Variants in DCHS2 observed in about 807,000 individuals in gnomAD.
DCHS2 encodes the protein protocadherin-23.
A neutral mutation model predicts 182.4 loss-of-function variants in DCHS2; 142 were observed. The observed-to-expected ratio is 0.78, with a 90% CI of 0.68 to 0.89. The LOEUF is 0.89. DCHS2 is among the 40% of genes least tolerant of loss of function. DCHS2 has a pLI of 0.00. For synonymous variants in DCHS2, 1,740 were observed against 1,663.3 expected, an observed-to-expected ratio of 1.05 and a Z score of -1.12; for missense variants, 4,319 against 4,198.6, an observed-to-expected ratio of 1.03 and a Z score of -0.79.
At chr4:154,308,363 G>A (rs1273472167) in intron 10 of DCHS2, among the ~76,000 whole-genome samples, 1 of 152,126 alleles carries the variant, frequency 6.6e-6, no homozygotes, top group Non-Finnish European at 1.5e-5. Flanking sequence ...GTTTCTCTAT[G>A]ACATATTTTT....
intron 1 of DCHS2, among the ~76,000 whole-genome samples, chr4:154,473,661 T>C (rs1473788761): frequency 6.6e-6 from 1 of 151,876 alleles, no homozygotes; most frequent in African/African-American, 2.4e-5. Context: ...TAGCCAAGCG[T>C]GAGGGGATTC....
intron 1 of DCHS2, among the ~76,000 whole-genome samples, chr4:154,472,860 A>G (rs554402972): frequency 6.6e-6 from 1 of 152,286 alleles, no homozygotes; most frequent in Admixed American, 6.5e-5. Context: ...AAATCTCTCA[A>G]TTGACTTCAT....
chr4:154,304,097 C>G (rs1290768145), intron 12 of DCHS2, among the ~76,000 whole-genome samples: 1 of 150,984 alleles, frequency 6.6e-6, no homozygotes, highest in African/African-American at 2.4e-5. Context: ...GGACCTAGAT[C>G]TAGGATGCAG....
chr4:154,291,320 G>C (rs1207436430), intron 13 of DCHS2, among the ~76,000 whole-genome samples: 2 of 152,062 alleles, frequency 1.3e-5, no homozygotes, highest in Non-Finnish European at 2.9e-5. Context: ...TGAGAAAGGG[G>C]AATCCTTATA....
At chr4:154,241,849 A>C (rs1468293061) in intron 17 of DCHS2, among the ~76,000 whole-genome samples, 1 of 152,224 alleles carries the variant, frequency 6.6e-6, no homozygotes, top group Non-Finnish European at 1.5e-5. Flanking sequence ...ATATTTGTAG[A>C]TATCTCTATG....
At chr4:154,431,749 C>A (rs964942141) in intron 1 of DCHS2, among the ~76,000 whole-genome samples, 1 of 152,140 alleles carries the variant, frequency 6.6e-6, no homozygotes, top group African/African-American at 2.4e-5. Flanking sequence ...TTTTTGGTCA[C>A]CTGGCTCTAA....
At chr4:154,429,418 C>CT (rs1446031762) in intron 1 of DCHS2, among the ~76,000 whole-genome samples, 8 of 152,200 alleles carry the variant, frequency 5.3e-5, no homozygotes, top group African/African-American at 1.9e-4. Flanking sequence ...CAGATACTCC[C>CT]TCTCCTCATT....
rs1283964294 is a variant in DCHS2 at position 154,233,774 on chromosome 4, C to A, written c.*762G>T. On this transcript the variant is annotated 3_prime_UTR_variant, in exon 20 of 20. Transcript: ENST00000357232. ...CAAGATAATATGTTTCAGGTGGTAG[C>A]AAACCACATAAATATTGCGAGTATC... 3 of 152,126 alleles carry A rather than the reference C, an allele frequency of 2.0e-5. No homozygotes were observed. The East Asian group carries it at 5.8e-4, about 29-fold the overall frequency. The allele number at this position is 152,126 out of a possible 1,614,324, so 9.4% of individuals were successfully genotyped here.
chr4:154,452,980 A>G (rs756111714), intron 1 of DCHS2, among the ~76,000 whole-genome samples: 1 of 152,208 alleles, frequency 6.6e-6, no homozygotes, highest in Non-Finnish European at 1.5e-5. Flanking sequence ...CCCTCAGGCA[A>G]TAAGTTAAAC....
chr4:154,380,698 T>C (rs934273714), intron 1 of DCHS2, among the ~76,000 whole-genome samples: 4 of 152,162 alleles, frequency 2.6e-5, no homozygotes, highest in Non-Finnish European at 5.9e-5. Context: ...TCTCAATTTA[T>C]GTTAGCAATT....
At chr4:154,307,295 G>C (rs1339157155) in intron 10 of DCHS2, among the ~76,000 whole-genome samples, 1 of 152,138 alleles carries the variant, frequency 6.6e-6, no homozygotes, top group Non-Finnish European at 1.5e-5. Flanking sequence ...GAGCAAATTG[G>C]AAATTTGGAT....
chr4:154,455,174 GGT>G (rs1255163663), intron 1 of DCHS2, among the ~76,000 whole-genome samples: 1 of 152,158 alleles, frequency 6.6e-6, no homozygotes, highest in Non-Finnish European at 1.5e-5. Context: ...CCTGCTTTCT[GGT>G]ACTGGTGTTC....
chr4:154,355,880 A>C (rs1421945104), intron 3 of DCHS2: 1 of 152,214 alleles, frequency 6.6e-6, no homozygotes, highest in African/African-American at 2.4e-5. Flanking sequence ...GCTTATGTAC[A>C]TAAGTACATA....
intron 2 of DCHS2, among the ~76,000 whole-genome samples, chr4:154,366,642 C>T (rs771998524): frequency 6.6e-5 from 10 of 151,402 alleles, no homozygotes; most frequent in African/African-American, 1.2e-4. Flanking sequence ...TGTATATATA[C>T]ACACACACAC....
chr4:154,266,684 G>C (rs1428027578), intron 14 of DCHS2, among the ~76,000 whole-genome samples: 2 of 150,922 alleles, frequency 1.3e-5, no homozygotes, highest in East Asian at 1.9e-4. Flanking sequence ...AAGCTTGTCA[G>C]TTTTTAATCA....
intron 16 of DCHS2, among the ~76,000 whole-genome samples, chr4:154,244,307 T>A (rs149373723): frequency 6.6e-6 from 1 of 152,232 alleles, no homozygotes; most frequent in African/African-American, 2.4e-5. Context: ...CAGGTTCATG[T>A]GTTGGTCAAC....
chr4:154,319,529 A>G lies in DCHS2; in HGVS notation c.5020+850T>C, dbSNP rs143048262. On this transcript the variant is annotated intron_variant, in intron 9 of 19. Coordinates refer to ENST00000357232, the MANE Select transcript of DCHS2 (RefSeq NM_001358235.2). ...ATGGACAAAAGACTTGAATAGAAACATCTCCAAAAAAGACATACAAATGGC... is the reference window on the plus strand; with the variant it reads ...ATGGACAAAAGACTTGAATAGAAACGTCTCCAAAAAAGACATACAAATGGC... Among the ~76,000 whole-genome samples the G allele has an allele frequency of 8.1e-3, 1,230 of 151,950 alleles. 17 individuals are homozygous for G. Among genetic ancestry groups the G allele is most frequent in the African/African-American group, 0.028 (1,163 of 41,494 alleles).
intron 1 of DCHS2, chr4:154,384,229 A>G: frequency 7.4e-7 from 1 of 1,359,540 alleles, no homozygotes; most frequent in East Asian, 2.4e-5. Flanking sequence ...TCCAAAGTCT[A>G]ATGATCGAGG....
At position 154,234,938 on chromosome 4, in the gene DCHS2, AAG is replaced by A. The variant is rs752717623; in HGVS notation, c.9712_9713del (p.Leu3238Ter). ...GKDNYHWNYL[L>X]SWEPKFQPLA... ...GAGGTTGGAATTTGGGCTCCCAACT[AAG>A]AAGATAATTCCAGTGATAGTTGTCT... On this transcript the variant is annotated frameshift_variant, in exon 20 of 20. Transcript: ENST00000357232. LOFTEE classifies it low-confidence loss of function (END_TRUNC). 2.5e-6 allele frequency: 4 copies of A among 1,614,000 alleles called. No homozygotes were observed. Among genetic ancestry groups the A allele is most frequent in the Non-Finnish European group, 3.4e-6 (4 of 1,179,892 alleles).
Sources: gnomAD v4.1 joint callset for allele counts (sites outside exome capture counted in the v4.1 genomes callset) on GRCh38, gnomAD v4.1.1 for gene constraint, MANE v1.5 for transcripts, NCBI Gene and HGNC (gene_info 2026-07-23, HGNC 2026-07-21) for gene names.